The following KLF8 variants were observed in gnomAD, a reference collection of about 807,000 sequenced individuals.
The protein encoded by KLF8 is KLF transcription factor 8.
Under a neutral mutation model 18.2 loss-of-function variants are expected in KLF8, and 10 were observed. The observed-to-expected ratio is 0.55, with a 90% CI of 0.34 to 0.93. The LOEUF is 0.93. Ranked by LOEUF, KLF8 falls within the 40% of genes least tolerant of loss-of-function variation. The pLI is 0.02. For missense variants in KLF8, 264 were observed against 277.9 expected, an observed-to-expected ratio of 0.95 and a Z score of 0.36; for synonymous variants, 109 against 97.3, an observed-to-expected ratio of 1.12 and a Z score of -0.71.
Position 56,286,809 on chromosome X carries a change from G to A in KLF8, c.*2315G>A, listed in dbSNP as rs1458374158. ...TTTTGGGTATACAAGTTCCAAACTT[G>A]CATAATAATTGCTAACGCACTAGGC... On this transcript the variant is annotated 3_prime_UTR_variant, in exon 6 of 6. Coordinates refer to ENST00000468660, the MANE Select transcript of KLF8 (RefSeq NM_007250.5). The A allele has an allele frequency of 2.7e-5, 3 of 111,866 alleles. No individual in the cohort carries two copies. Among genetic ancestry groups the A allele is most frequent in the African/African-American group, 9.7e-5 (3 of 30,772 alleles). 9.2% of individuals were successfully genotyped at this position (111,866 alleles called of 1,213,427 possible). A position where few individuals can be genotyped will look rare whatever the true frequency, so the allele number is the denominator to read the frequency against.
chrX:55,993,644 T>A, the KLF8 span, among the ~76,000 whole-genome samples: 1 of 112,131 alleles, frequency 8.9e-6, no homozygotes, highest in Non-Finnish European at 1.9e-5. Context: ...AGTCCTTCCT[T>A]CTCAATTTTG....
chrX:56,098,563 C>G, the KLF8 span, among the ~76,000 whole-genome samples: 1 of 110,809 alleles, frequency 9.0e-6, no homozygotes, highest in Non-Finnish European at 1.9e-5. Flanking sequence ...TAACTCTCAA[C>G]CAGGAAGAGA....
At chrX:55,928,019 T>A in the KLF8 span, among the ~76,000 whole-genome samples, 28 of 112,311 alleles carry the variant, frequency 2.5e-4, no homozygotes, top group African/African-American at 9.0e-4. Flanking sequence ...ATTAATGCCT[T>A]TTTTACTCTT....
the KLF8 span, among the ~76,000 whole-genome samples, chrX:55,915,436 A>G: frequency 2.7e-5 from 3 of 111,920 alleles, no homozygotes; most frequent in East Asian, 8.4e-4. Context: ...CCTGTTAAGC[A>G]GTGTAATGCA....
the KLF8 span, among the ~76,000 whole-genome samples, chrX:56,071,344 G>GA: frequency 1.8e-5 from 2 of 111,550 alleles, no homozygotes; most frequent in South Asian, 7.5e-4. Flanking sequence ...TATGGAGTGG[G>GA]AAAAATGAGC....
upstream of KLF8, among the ~76,000 whole-genome samples, chrX:56,230,169 T>A (rs754952413): frequency 8.9e-6 from 1 of 112,457 alleles, no homozygotes; most frequent in South Asian, 3.7e-4. Flanking sequence ...CCCACTGTAT[T>A]CAGGGCTAGT....
chrX:56,188,762 A>T, the KLF8 span, among the ~76,000 whole-genome samples: 1 of 112,204 alleles, frequency 8.9e-6, no homozygotes, highest in African/African-American at 3.2e-5. Context: ...AAAAACAAGC[A>T]ATGGGGAAAG....
chrX:56,187,366 T>C, the KLF8 span, among the ~76,000 whole-genome samples: 1 of 111,661 alleles, frequency 9.0e-6, no homozygotes, highest in African/African-American at 3.3e-5. Context: ...GGCTCTGAAA[T>C]TGTGGCAATA....
the KLF8 span, among the ~76,000 whole-genome samples, chrX:56,172,268 C>T: frequency 2.3e-4 from 26 of 110,784 alleles, no homozygotes; most frequent in African/African-American, 7.9e-4. Context: ...TCCCACACCC[C>T]ACAACAGGCC....
the KLF8 span, among the ~76,000 whole-genome samples, chrX:56,199,392 G>GA: frequency 5.4e-5 from 6 of 111,034 alleles, no homozygotes; most frequent in Admixed American, 9.6e-5. Context: ...AAATTTACAA[G>GA]AAAAAAACAA....
At chrX:56,119,085 G>A in the KLF8 span, among the ~76,000 whole-genome samples, 27 of 111,222 alleles carry the variant, frequency 2.4e-4, no homozygotes, top group African/African-American at 7.9e-4. Context: ...TCTGAGCCAT[G>A]GAATCAAAAG....
At chrX:56,160,905 A>C in the KLF8 span, among the ~76,000 whole-genome samples, 1 of 111,016 alleles carries the variant, frequency 9.0e-6, no homozygotes, top group Non-Finnish European at 1.9e-5. Flanking sequence ...GGTTAGTATT[A>C]TTATGTGTGA....
the KLF8 span, among the ~76,000 whole-genome samples, chrX:56,057,570 T>C: frequency 2.5e-3 from 278 of 111,483 alleles, no homozygotes; most frequent in African/African-American, 8.7e-3. Context: ...TCAGAAACGT[T>C]TCACCAGCAC....
the KLF8 span, among the ~76,000 whole-genome samples, chrX:56,137,094 G>A: frequency 9.1e-6 from 1 of 110,349 alleles, no homozygotes; most frequent in African/African-American, 3.3e-5. Context: ...TCATTAAAAA[G>A]TCAGGAAACA....
the KLF8 span, among the ~76,000 whole-genome samples, chrX:56,196,212 ATAAAG>A: frequency 9.0e-6 from 1 of 111,587 alleles, no homozygotes; most frequent in Admixed American, 9.6e-5. Flanking sequence ...TAATGACAGG[ATAAAG>A]TAAACACATA....
At chrX:56,224,973 G>A in the KLF8 span, among the ~76,000 whole-genome samples, 18 of 110,816 alleles carry the variant, frequency 1.6e-4, no homozygotes, top group Admixed American at 1.1e-3. Flanking sequence ...GTAAAAAGGG[G>A]TGAACTCGTT....
the KLF8 span, among the ~76,000 whole-genome samples, chrX:56,196,495 A>G: frequency 8.9e-6 from 1 of 112,293 alleles, no homozygotes; most frequent in African/African-American, 3.2e-5. Flanking sequence ...CAAAAGAGAC[A>G]AAGAAGGCCA....
chrX:56,099,742 A>T, the KLF8 span, among the ~76,000 whole-genome samples: 1 of 112,030 alleles, frequency 8.9e-6, no homozygotes, highest in African/African-American at 3.2e-5. Flanking sequence ...CCAAGGTCTA[A>T]TCCAGAGAAA....
intron 2 of KLF8, among the ~76,000 whole-genome samples, chrX:56,258,612 A>G (rs748859977): frequency 3.7e-4 from 42 of 112,622 alleles, no homozygotes; most frequent in South Asian, 1.8e-3. Context: ...GTACCTAAGT[A>G]TAATTCTAGA....
Sources: gnomAD v4.1 joint callset for allele counts (sites outside exome capture counted in the v4.1 genomes callset) on GRCh38, gnomAD v4.1.1 for gene constraint, MANE v1.5 for transcripts, NCBI Gene and HGNC (gene_info 2026-07-23, HGNC 2026-07-21) for gene names.